The following LIMK1 variants were observed in gnomAD, a reference collection of about 807,000 sequenced individuals.
LIMK1 encodes LIM domain kinase 1.
LIMK1 carries 21 observed loss-of-function variants against 77.6 expected under a neutral mutation model. The observed-to-expected ratio is 0.27, with a 90% confidence interval of 0.19 to 0.39. The LOEUF is 0.39. Ranked by LOEUF, LIMK1 falls within the 10% of genes least tolerant of loss-of-function variation. LIMK1 has a pLI of 1.00. For synonymous variants in LIMK1, 358 were observed against 370.0 expected, an observed-to-expected ratio of 0.97 and a Z score of 0.37; for missense variants, 696 against 901.6, an observed-to-expected ratio of 0.77 and a Z score of 2.92.
At chr7:74,107,788 A>G (rs1799607934) in intron 8 of LIMK1, 83 bp from the exon 9 acceptor site, 2 of 1,018,256 alleles carry the variant, frequency 2.0e-6, no homozygotes, top group Non-Finnish European at 3.0e-6. Context: ...TCTCCCTGGC[A>G]GTCCTGGGGT....
At chr7:74,096,799 G>A (rs1554695712) in intron 3 of LIMK1, 39 bp downstream of exon 3, 2 of 1,550,584 alleles carry the variant, frequency 1.3e-6, no homozygotes, top group South Asian at 2.5e-5. Context: ...CTGGGGTGGG[G>A]GTATCCAAGC....
At position 74,103,247 on chromosome 7, in the gene LIMK1, T is replaced by TC. The variant is rs1481483700; in HGVS notation, c.609-2626dup. On this transcript the variant is annotated intron_variant, in intron 5 of 15. Coordinates refer to ENST00000336180, the MANE Select transcript of LIMK1 (RefSeq NM_002314.4). ...GCCAGTCATTAAAGTAAAATGTTTT[T>TC]CCTTTTTTTTTTTTTTTTTTTTAAA... is the stretch of plus-strand genomic sequence containing the variant. 2.6e-5 allele frequency among the ~76,000 whole-genome samples: 4 copies of TC among 151,064 alleles called. No homozygotes were observed. In the East Asian group the frequency reaches 7.8e-4, roughly 29 times the overall value.
intron 1 of LIMK1, among the ~76,000 whole-genome samples, chr7:74,084,924 C>T (rs1340588843): frequency 1.3e-5 from 2 of 152,188 alleles, no homozygotes; most frequent in African/African-American, 4.8e-5. Context: ...GGTAGGGGCC[C>T]ACCTTCCTGT....
intron 4 of LIMK1, 54 bp downstream of exon 4, chr7:74,097,243 T>G: frequency 8.4e-7 from 1 of 1,196,868 alleles, no homozygotes; most frequent in East Asian, 2.6e-5. Context: ...GTCACAGATC[T>G]GCAAGGGTGC....
chr7:74,108,108 T>C, intron 9 of LIMK1, 151 bp downstream of exon 9: 2 of 643,000 alleles, frequency 3.1e-6, no homozygotes, highest in Non-Finnish European at 5.6e-6. Flanking sequence ...TCCCAACACT[T>C]TGGGAGGTTA....
chr7:74,097,799 C>T (rs1799365512), intron 4 of LIMK1, among the ~76,000 whole-genome samples: 1 of 152,204 alleles, frequency 6.6e-6, no homozygotes, highest in Non-Finnish European at 1.5e-5. Flanking sequence ...ATAACTGCTC[C>T]CTCTTTAGAC....
At chr7:74,105,126 G>GT (rs1433940744) in intron 5 of LIMK1, among the ~76,000 whole-genome samples, 2 of 152,210 alleles carry the variant, frequency 1.3e-5, no homozygotes, top group Middle Eastern at 3.4e-3. Context: ...GCTAATTTTT[G>GT]TATTTTCAGT....
intron 2 of LIMK1, among the ~76,000 whole-genome samples, chr7:74,090,165 G>A (rs1359918193): frequency 2.0e-5 from 3 of 152,116 alleles, no homozygotes; most frequent in South Asian, 2.1e-4. Flanking sequence ...ACCTGAGGTC[G>A]GGAGTTTGAG....
At chr7:74,087,947 A>G (rs1002649720) in intron 2 of LIMK1, among the ~76,000 whole-genome samples, 2 of 150,734 alleles carry the variant, frequency 1.3e-5, no homozygotes, top group African/African-American at 4.9e-5. Flanking sequence ...TTGCTGTGTC[A>G]CCCAGGCTGG....
chr7:74,102,160 A>G (rs1417944833), intron 5 of LIMK1, among the ~76,000 whole-genome samples: 2 of 152,266 alleles, frequency 1.3e-5, no homozygotes, highest in Admixed American at 6.5e-5. Flanking sequence ...GCCTGTATCA[A>G]TGAAAATATT....
intron 5 of LIMK1, among the ~76,000 whole-genome samples, chr7:74,103,595 C>T (rs1297548783): frequency 4.6e-5 from 7 of 152,136 alleles, no homozygotes; most frequent in African/African-American, 1.7e-4. Flanking sequence ...CATCAATAAA[C>T]CATTTGTGAG....
chr7:74,088,365 C>A (rs1799174673), intron 2 of LIMK1, among the ~76,000 whole-genome samples: 1 of 152,154 alleles, frequency 6.6e-6, no homozygotes, highest in South Asian at 2.1e-4. Flanking sequence ...GCAGAGGAAA[C>A]CATCTGCACA....
Position 74,121,483 on chromosome 7 carries a change from A to G in LIMK1, c.*182A>G. 3 of 575,470 alleles carry G rather than the reference A, an allele frequency of 5.2e-6. No homozygotes were observed. The South Asian group carries it at 7.2e-5, about 14-fold the overall frequency. 35.6% of individuals were successfully genotyped at this position (575,470 alleles called of 1,614,324 possible). On this transcript the variant is annotated 3_prime_UTR_variant, in exon 16 of 16. Transcript: ENST00000336180. ...CCCTGCCTTCTCTCTGCCGTGGCCC[A>G]GAGCCGGCCCAGCTGCACACACACA...
At chr7:74,119,310 C>G (rs1332072149) in intron 13 of LIMK1, among the ~76,000 whole-genome samples, 1 of 151,802 alleles carries the variant, frequency 6.6e-6, no homozygotes, top group Admixed American at 6.6e-5. Context: ...TCCCTAGTAG[C>G]TGGGATTACA....
At chr7:74,086,190 C>T (rs890222444) in intron 2 of LIMK1, among the ~76,000 whole-genome samples, 4 of 150,832 alleles carry the variant, frequency 2.7e-5, no homozygotes, top group Non-Finnish European at 4.4e-5. Flanking sequence ...GGATTACAGG[C>T]GTGCACCACC....
chr7:74,101,204 T>G (rs933445690), intron 5 of LIMK1, among the ~76,000 whole-genome samples: 1 of 152,208 alleles, frequency 6.6e-6, no homozygotes, highest in African/African-American at 2.4e-5. Context: ...AGCCAGCAGC[T>G]GCTTTACATA....
chr7:74,099,598 T>C (rs1042711418), intron 5 of LIMK1, among the ~76,000 whole-genome samples: 19 of 151,244 alleles, frequency 1.3e-4, no homozygotes, highest in African/African-American at 4.1e-4. Flanking sequence ...GGCATGGTAG[T>C]GTGTGCCTAT....
At position 74,108,902 on chromosome 7, in the gene LIMK1, C is replaced by A; in HGVS notation, c.1153-3C>A. The A allele has an allele frequency of 6.2e-7, 1 of 1,612,856 alleles. No homozygotes were observed. Among genetic ancestry groups the A allele is most frequent in the Non-Finnish European group, 8.5e-7 (1 of 1,179,218 alleles). On this transcript the variant is annotated splice_polypyrimidine_tract_variant and splice_region_variant and intron_variant, in intron 9 of 15. Transcript: ENST00000336180. ...CGGGCCCAGCCTGTTTGTGCCCCGC[C>A]AGGTGAAGGTCATGCGATGCCTGGA... is the stretch of plus-strand genomic sequence containing the variant.
chr7:74,106,039 C>T, intron 6 of LIMK1, 38 bp from the exon 7 acceptor site: 1 of 1,613,256 alleles, frequency 6.2e-7, no homozygotes, highest in Non-Finnish European at 8.5e-7. Flanking sequence ...CTAGCCCCCT[C>T]CCCACTCCAC....
Sources: gnomAD v4.1 joint callset for allele counts (sites outside exome capture counted in the v4.1 genomes callset) on GRCh38, gnomAD v4.1.1 for gene constraint, MANE v1.5 for transcripts, NCBI Gene and HGNC (gene_info 2026-07-23, HGNC 2026-07-21) for gene names.